The following TMEM232 variants were observed in gnomAD, a reference collection of about 807,000 sequenced individuals.
TMEM232 encodes the protein transmembrane protein 232.
Under a neutral mutation model 78.8 loss-of-function variants are expected in TMEM232, and 80 were observed. That is an observed-to-expected ratio of 1.01 (90% confidence interval 0.85 to 1.22). The LOEUF (loss-of-function observed/expected upper bound fraction) is 1.22. Among genes scored for constraint, TMEM232 ranks in the 50% most tolerant of loss-of-function variants. The pLI is 0.00. For missense variants in TMEM232, 881 were observed against 742.2 expected, an observed-to-expected ratio of 1.19 and a Z score of -2.17; for synonymous variants, 297 against 254.3, an observed-to-expected ratio of 1.17 and a Z score of -1.60.
chr5:110,713,711 A>C (rs1358156414), intron 1 of TMEM232, among the ~76,000 whole-genome samples: 1 of 152,174 alleles, frequency 6.6e-6, no homozygotes, highest in African/African-American at 2.4e-5. Context: ...CACGAGATCT[A>C]TGGAGAAAAA....
At chr5:110,474,372 T>A (rs1171534549) in intron 12 of TMEM232, among the ~76,000 whole-genome samples, 1 of 151,948 alleles carries the variant, frequency 6.6e-6, no homozygotes, top group Non-Finnish European at 1.5e-5. Flanking sequence ...CAGCTAATTG[T>A]TTAATGTATC....
chr5:110,647,592 A>G lies in TMEM232; in HGVS notation c.126-5221T>C, dbSNP rs140800785. Reference sequence around the variant, plus strand: ...AAATGTAAATAAATATCACTTAAAGAATTTTTAAAATATTTCCCAGAATTA... The same window carrying G: ...AAATGTAAATAAATATCACTTAAAGGATTTTTAAAATATTTCCCAGAATTA... On this transcript the variant is annotated intron_variant, in intron 2 of 13. Transcript: ENST00000455884. Among the ~76,000 whole-genome samples the G allele has an allele frequency of 2.7e-3, 409 of 152,106 alleles. 2 individuals carry two copies. The highest frequency in any genetic ancestry group is 9.0e-3 in the African/African-American group (375 of 41,548).
At position 110,468,881 on chromosome 5, in the gene TMEM232, G is replaced by A. The variant is rs538647481; in HGVS notation, c.1704-43965C>T. Among the ~76,000 whole-genome samples the A allele has an allele frequency of 2.0e-5, 3 of 152,290 alleles. No individual in the cohort carries two copies. In the East Asian group the frequency reaches 5.8e-4, roughly 29 times the overall value. On this transcript the variant is annotated intron_variant, in intron 12 of 13. Transcript: ENST00000455884. ...TAACTAAAGGAGAGTACTGGAATATGTCAAAGGAGTACCAGAAACCATGTA... is the reference window on the plus strand; with the variant it reads ...TAACTAAAGGAGAGTACTGGAATATATCAAAGGAGTACCAGAAACCATGTA...
intron 12 of TMEM232, among the ~76,000 whole-genome samples, chr5:110,460,874 G>T (rs1761448700): frequency 6.6e-6 from 1 of 151,754 alleles, no homozygotes; most frequent in Non-Finnish European, 1.5e-5. Context: ...TAATTGTTTT[G>T]GGGTGTCACA....
intron 12 of TMEM232, among the ~76,000 whole-genome samples, chr5:110,499,214 T>C (rs368200778): frequency 5.9e-4 from 90 of 152,242 alleles, no homozygotes; most frequent in Middle Eastern, 6.8e-3. Context: ...AGCTCAATCA[T>C]AGTAAATTTT....
At chr5:110,396,740 T>C (rs1344892859) in intron 3 of TMEM232, among the ~76,000 whole-genome samples, 2 of 152,232 alleles carry the variant, frequency 1.3e-5, no homozygotes, top group African/African-American at 4.8e-5. Flanking sequence ...AGTGATGATT[T>C]CTAAGTACCT....
At chr5:110,737,131 G>A (rs1799260619) in intron 1 of TMEM232, among the ~76,000 whole-genome samples, 1 of 151,424 alleles carries the variant, frequency 6.6e-6, no homozygotes. Context: ...AAACTAGAAT[G>A]TCAGTTCTAA....
chr5:110,548,318 G>A (rs532937828), intron 11 of TMEM232, among the ~76,000 whole-genome samples: 9 of 149,494 alleles, frequency 6.0e-5, no homozygotes, highest in Non-Finnish European at 1.3e-4. Context: ...GCATAAGAAA[G>A]TGGGTATAAA....
At chr5:110,634,569 A>C (rs1295414258) in intron 5 of TMEM232, among the ~76,000 whole-genome samples, 1 of 152,130 alleles carries the variant, frequency 6.6e-6, no homozygotes, top group Non-Finnish European at 1.5e-5. Context: ...AAATACATGG[A>C]AATTAAACAA....
intron 12 of TMEM232, among the ~76,000 whole-genome samples, chr5:110,518,676 T>C (rs1044308032): frequency 2.0e-5 from 3 of 152,238 alleles, no homozygotes; most frequent in Non-Finnish European, 4.4e-5. Context: ...ACCATTTGTG[T>C]ACACAAAGGA....
At chr5:110,470,139 A>C (rs1159038280) in intron 12 of TMEM232, among the ~76,000 whole-genome samples, 2 of 151,904 alleles carry the variant, frequency 1.3e-5, no homozygotes, top group Non-Finnish European at 2.9e-5. Flanking sequence ...TTTCTAATGA[A>C]CCTTGTTGGT....
chr5:110,421,998 A>G (rs1487312902), intron 13 of TMEM232, among the ~76,000 whole-genome samples: 1 of 152,200 alleles, frequency 6.6e-6, no homozygotes, highest in African/African-American at 2.4e-5. Context: ...AATTAAGGCA[A>G]AACCTCCAGA....
chr5:110,511,615 T>C (rs753792998), intron 12 of TMEM232, among the ~76,000 whole-genome samples: 2 of 152,136 alleles, frequency 1.3e-5, no homozygotes, highest in Non-Finnish European at 2.9e-5. Context: ...ACACATTTAC[T>C]TGACTACCTA....
At position 110,430,363 on chromosome 5, in the gene TMEM232, T is replaced by G. The variant is rs542172032; in HGVS notation, c.1704-5447A>C. On this transcript the variant is annotated intron_variant, in intron 12 of 13. Coordinates refer to ENST00000455884, the MANE Select transcript of TMEM232 (RefSeq NM_001039763.4). ...CCAATACTTAGACGTTTCCTTTTTTTTTTTGTTCTCAGAGCCCAAATAGGT... is the reference window on the plus strand; with the variant it reads ...CCAATACTTAGACGTTTCCTTTTTTGTTTTGTTCTCAGAGCCCAAATAGGT... Among the ~76,000 whole-genome samples, 3 of 151,748 alleles carry G rather than the reference T, an allele frequency of 2.0e-5. No individual in the cohort carries two copies. The East Asian group carries it at 5.8e-4, about 29-fold the overall frequency.
In TMEM232 at chr5:110,420,682, T is replaced by C; in HGVS notation, c.1872A>G (p.Leu624=). Residue 624 remains leucine, a synonymous_variant, in exon 14 of 14, where the codon TTA becomes TTG. Transcript: ENST00000455884. ...CKAQELKDKK[L]AEKNHFQEVM... ...CTTCTTGAAAGTGATTTTTCTCTGC[T>C]AACTTTTTATCTTTAAGTTCTTGGG... The C allele has an allele frequency of 1.3e-6, 2 of 1,527,486 alleles. No homozygotes were observed. Among genetic ancestry groups the C allele is most frequent in the Non-Finnish European group, 1.7e-6 (2 of 1,144,300 alleles). 94.6% of individuals were successfully genotyped at this position (1,527,486 alleles called of 1,614,324 possible).
intron 10 of TMEM232, among the ~76,000 whole-genome samples, chr5:110,588,245 G>A (rs370547020): frequency 5.9e-5 from 9 of 152,048 alleles, no homozygotes; most frequent in African/African-American, 1.9e-4. Flanking sequence ...TTGGAGAACC[G>A]GCTTAGAAAA....
intron 1 of TMEM232, chr5:110,667,864 C>T (rs1790801689): frequency 6.6e-6 from 1 of 151,994 alleles, no homozygotes. Context: ...CTTTTCATGT[C>T]TCCTGTCTTT....
At chr5:110,595,379 C>G (rs367674916) in intron 10 of TMEM232, among the ~76,000 whole-genome samples, 119 of 152,194 alleles carry the variant, frequency 7.8e-4, no homozygotes, top group Non-Finnish European at 1.3e-3. Context: ...TCCAAATGAT[C>G]GCAACTCCTT....
chr5:110,608,201 GAAA>G (rs561171789), intron 8 of TMEM232, among the ~76,000 whole-genome samples: 1 of 151,802 alleles, frequency 6.6e-6, no homozygotes, highest in Non-Finnish European at 1.5e-5. Flanking sequence ...TGTCTATAAA[GAAA>G]ATACAGCAAA....
Sources: allele counts gnomAD v4.1 joint callset (sites outside exome capture counted in the v4.1 genomes callset), GRCh38; gene constraint gnomAD v4.1.1; transcripts MANE v1.5; gene names NCBI Gene and HGNC (gene_info 2026-07-23, HGNC 2026-07-21).